CAMTA1: variants seen among roughly 807,000 people sequenced by gnomAD.
CAMTA1 encodes calmodulin binding transcription activator 1, also known as calmodulin-binding transcription activator 1.
In CAMTA1, 27 loss-of-function variants were observed where a neutral mutation model predicts 170.9. The ratio of observed to expected loss-of-function variants is 0.16; its 90% CI spans 0.12 to 0.22. CAMTA1 has a LOEUF of 0.22. CAMTA1 is among the 10% of genes least tolerant of loss of function. The pLI is 1.00. For missense variants in CAMTA1, 1,619 were observed against 2,217.2 expected, an observed-to-expected ratio of 0.73 and a Z score of 5.42; for synonymous variants, 833 against 891.5, an observed-to-expected ratio of 0.93 and a Z score of 1.17.
chr1:7,647,502 C>T (rs369824414), intron 7 of CAMTA1, among the ~76,000 whole-genome samples: 8 of 152,212 alleles, frequency 5.3e-5, no homozygotes, highest in Admixed American at 3.3e-4. Flanking sequence ...AGCTTGCAGG[C>T]GGGGGCCTGT....
At chr1:7,334,904 T>A (rs1403209123) in intron 5 of CAMTA1, among the ~76,000 whole-genome samples, 1 of 152,098 alleles carries the variant, frequency 6.6e-6, no homozygotes, top group Non-Finnish European at 1.5e-5. Context: ...GCGGGAAAGC[T>A]CCCTTCCTAA....
intron 6 of CAMTA1, among the ~76,000 whole-genome samples, chr1:7,508,327 G>A (rs541113661): frequency 2.0e-5 from 3 of 152,342 alleles, no homozygotes; most frequent in East Asian, 1.9e-4. Context: ...CGGAAGAGGC[G>A]CTTCAGAGGC....
rs533892042 is a variant in CAMTA1, at chr1:6,970,238, G to A, written c.235-121066G>A. On this transcript the variant is annotated intron_variant, in intron 3 of 22. Coordinates refer to ENST00000303635, the MANE Select transcript of CAMTA1 (RefSeq NM_015215.4). The surrounding 1 kb of genome is among the most constrained non-coding windows in gnomAD (Gnocchi z 4.4). ...CCCTACCACTCTCAGTGATTTCAGC[G>A]CATCTCTGTGCCTTTTTTGGTCCAC... 1.3e-5 allele frequency among the ~76,000 whole-genome samples: 2 copies of A among 152,288 alleles called. No individual in the cohort carries two copies. Among genetic ancestry groups the A allele is most frequent in the South Asian group, 2.1e-4 (1 of 4,820 alleles).
At chr1:7,432,060 A>T (rs1193219) in intron 5 of CAMTA1, among the ~76,000 whole-genome samples, 6 of 152,072 alleles carry the variant, frequency 3.9e-5, no homozygotes, top group Admixed American at 3.9e-4. Flanking sequence ...GGAGAACAAG[A>T]CATAAACCTG....
intron 5 of CAMTA1, among the ~76,000 whole-genome samples, chr1:7,374,685 A>T (rs1251430032): frequency 6.6e-6 from 1 of 152,190 alleles, no homozygotes; most frequent in African/African-American, 2.4e-5. Context: ...CCCCTGAGCA[A>T]TGGGCATGCA....
intron 1 of CAMTA1, among the ~76,000 whole-genome samples, chr1:6,808,397 C>G (rs558823029): frequency 6.6e-4 from 100 of 152,226 alleles, no homozygotes; most frequent in African/African-American, 2.4e-3. Flanking sequence ...TTTTAGGCCT[C>G]CCACATTGCT....
intron 6 of CAMTA1, among the ~76,000 whole-genome samples, chr1:7,636,173 C>T (rs1303674825): frequency 6.6e-6 from 1 of 152,202 alleles, no homozygotes; most frequent in African/African-American, 2.4e-5. Flanking sequence ...CGGTGTTGGG[C>T]AGGTGCCCTG....
rs1014704087 is a variant in CAMTA1 at position 7,561,180 on chromosome 1, C to T, written c.511-79220C>T. Among the ~76,000 whole-genome samples the T allele has an allele frequency of 2.0e-5, 3 of 151,980 alleles. No homozygotes were observed. Among genetic ancestry groups the T allele is most frequent in the Non-Finnish European group, 4.4e-5 (3 of 67,992 alleles). ...GCCGGTGGGTGGTGAATGAAGGGCT[C>T]CCAGCAAACCACAGCCGATCCAGGC... is the stretch of plus-strand genomic sequence containing the variant. On this transcript the variant is annotated intron_variant, in intron 6 of 22. Transcript: ENST00000303635. The surrounding 1 kb of genome is among the most constrained non-coding windows in gnomAD (Gnocchi z 5.3).
intron 6 of CAMTA1, among the ~76,000 whole-genome samples, chr1:7,483,415 G>A (rs1173848981): frequency 6.6e-6 from 1 of 152,228 alleles, no homozygotes; most frequent in Non-Finnish European, 1.5e-5. Context: ...CTGGGCCGGA[G>A]GGAGACCCTC....
chr1:7,106,008 T>C (rs1265950659), intron 4 of CAMTA1, among the ~76,000 whole-genome samples: 1 of 152,230 alleles, frequency 6.6e-6, no homozygotes, highest in Admixed American at 6.5e-5. Context: ...ACTAATGCTC[T>C]TAGTCAAGGG....
intron 5 of CAMTA1, among the ~76,000 whole-genome samples, chr1:7,453,855 C>T (rs2092888218): frequency 6.6e-6 from 1 of 152,238 alleles, no homozygotes; most frequent in African/African-American, 2.4e-5. Flanking sequence ...GGAGTCTTTG[C>T]TCACTCATGC....
At chr1:7,651,653 C>T (rs1005461360) in intron 7 of CAMTA1, among the ~76,000 whole-genome samples, 4 of 152,282 alleles carry the variant, frequency 2.6e-5, no homozygotes, top group African/African-American at 9.6e-5. Context: ...TGGATGCCAT[C>T]ACATCAGAAT....
At chr1:7,739,459 G>C (rs183636086) in intron 16 of CAMTA1, among the ~76,000 whole-genome samples, 1 of 152,148 alleles carries the variant, frequency 6.6e-6, no homozygotes, top group Non-Finnish European at 1.5e-5. Context: ...GTTGCCGGGG[G>C]CACCACTTCT....
intron 6 of CAMTA1, among the ~76,000 whole-genome samples, chr1:7,514,953 G>C (rs953174598): frequency 6.6e-6 from 1 of 152,168 alleles, no homozygotes; most frequent in Non-Finnish European, 1.5e-5. Flanking sequence ...CCCTTTGAGA[G>C]CCAGGTGGTC....
intron 3 of CAMTA1, among the ~76,000 whole-genome samples, chr1:6,833,670 G>C (rs1651526846): frequency 6.6e-6 from 1 of 152,128 alleles, no homozygotes; most frequent in East Asian, 1.9e-4. Context: ...ACATCATTTA[G>C]TTTTAAATTC....
chr1:7,752,338 A>G lies in CAMTA1; in HGVS notation c.4884-121A>G, dbSNP rs9919223. ...CCTTCAGATTGTATACATCTTTAAC[A>G]TATGCTGTTGGCTTTGCTACACGAA... is the stretch of plus-strand genomic sequence containing the variant. On this transcript the variant is annotated intron_variant, in intron 20 of 22. Coordinates refer to ENST00000303635, the MANE Select transcript of CAMTA1 (RefSeq NM_015215.4). 0.7 allele frequency: 550,463 copies of G among 792,024 alleles called. 193,307 individuals carry two copies. Among genetic ancestry groups the G allele is most frequent in the Admixed American group, 0.79 (40,359 of 51,102 alleles). 49.1% of individuals were successfully genotyped at this position (792,024 alleles called of 1,614,324 possible).
Position 7,161,719 on chromosome 1 carries a change from C to T in CAMTA1, c.302+70348C>T, listed in dbSNP as rs573984383. On this transcript the variant is annotated intron_variant, in intron 4 of 22. Coordinates refer to ENST00000303635, the MANE Select transcript of CAMTA1 (RefSeq NM_015215.4). ...TAAACCTCTTTCTTTTGTAAATTGC[C>T]CAGTCTTGGGTATGTCTTTATCAAT... Among the ~76,000 whole-genome samples, 3 of 152,224 alleles carry T rather than the reference C, an allele frequency of 2.0e-5. No homozygotes were observed. The South Asian group carries it at 6.2e-4, about 32-fold the overall frequency.
chr1:7,272,836 G>A (rs1670048333), intron 5 of CAMTA1, among the ~76,000 whole-genome samples: 3 of 151,942 alleles, frequency 2.0e-5, no homozygotes, highest in South Asian at 4.2e-4. Flanking sequence ...AGATAACATG[G>A]GAATAAATCT....
chr1:7,468,927 G>A (rs1305927616), intron 6 of CAMTA1, among the ~76,000 whole-genome samples: 1 of 152,230 alleles, frequency 6.6e-6, no homozygotes, highest in African/African-American at 2.4e-5. Flanking sequence ...GGAGTGCAGA[G>A]AGGCTGATGG....
Sources: allele counts gnomAD v4.1 joint callset (sites outside exome capture counted in the v4.1 genomes callset), GRCh38; gene constraint gnomAD v4.1.1; non-coding constraint Gnocchi (gnomAD v3.1); transcripts MANE v1.5; gene names NCBI Gene and HGNC (gene_info 2026-07-23, HGNC 2026-07-21).